The following FNBP1 variants were observed in gnomAD, a reference collection of about 807,000 sequenced individuals.
FNBP1 encodes formin-binding protein 1.
Under a neutral mutation model 90.6 loss-of-function variants are expected in FNBP1, and 26 were observed. The observed-to-expected ratio is 0.29, with a 90% confidence interval of 0.21 to 0.40. The LOEUF (loss-of-function observed/expected upper bound fraction) is 0.40. Among genes scored for constraint, FNBP1 ranks in the 10% least tolerant of loss-of-function variants. FNBP1 has a pLI of 1.00. For missense variants in FNBP1, 635 were observed against 768.0 expected, an observed-to-expected ratio of 0.83 and a Z score of 2.05; for synonymous variants, 260 against 265.2, an observed-to-expected ratio of 0.98 and a Z score of 0.19.
In FNBP1 at chr9:129,889,553, G is replaced by C. The variant is rs564795566; in HGVS notation, c.*986C>G. ...CCACTGCACTCCAGTCTGAACAATA[G>C]AGCGAGACTCCCGTCTCAAAAAAAA... is the stretch of plus-strand genomic sequence containing the variant. On this transcript the variant is annotated 3_prime_UTR_variant, in exon 17 of 17. Transcript: ENST00000446176. The C allele has an allele frequency of 6.9e-4, 135 of 196,650 alleles. No homozygotes were observed. Among genetic ancestry groups the C allele is most frequent in the African/African-American group, 3.1e-3 (130 of 41,352 alleles). 12.2% of individuals were successfully genotyped at this position (196,650 alleles called of 1,614,324 possible). A position where few individuals can be genotyped will look rare whatever the true frequency, so the allele number is the denominator to read the frequency against.
the FNBP1 span, among the ~76,000 whole-genome samples, chr9:130,052,101 GAAGT>G: frequency 6.6e-6 from 1 of 152,198 alleles, no homozygotes. Context: ...TAGAATTTAA[GAAGT>G]AACTGTAGAG....
chr9:129,921,763 A>G (rs2041150845), intron 10 of FNBP1, among the ~76,000 whole-genome samples: 1 of 152,170 alleles, frequency 6.6e-6, no homozygotes, highest in Non-Finnish European at 1.5e-5. Flanking sequence ...CAGGTTAACA[A>G]TGACTACTGT....
intron 8 of FNBP1, among the ~76,000 whole-genome samples, chr9:129,926,134 G>C (rs2041873963): frequency 6.6e-6 from 1 of 151,602 alleles, no homozygotes; most frequent in Non-Finnish European, 1.5e-5. Context: ...ACCACACCCA[G>C]CTAATTTTTG....
rs1190986204 is a variant in FNBP1 at position 129,899,896 on chromosome 9, T to C, written c.1687+69A>G. On this transcript the variant is annotated intron_variant, in intron 15 of 16. Coordinates refer to ENST00000446176, the MANE Select transcript of FNBP1 (RefSeq NM_015033.3). Reference sequence around the variant, plus strand: ...TCAGAAGGAAGGAAGGAAGGAAAAGTGAAAGAAGAGTAACTCAGATATTAT... The same window carrying C: ...TCAGAAGGAAGGAAGGAAGGAAAAGCGAAAGAAGAGTAACTCAGATATTAT... The C allele has an allele frequency of 2.2e-6, 3 of 1,334,616 alleles. No individual in the cohort carries two copies. The African/African-American group carries it at 4.6e-5, about 20-fold the overall frequency. The allele number at this position is 1,334,616 out of a possible 1,614,324, so 82.7% of individuals were successfully genotyped here.
intron 10 of FNBP1, 61 bp downstream of exon 10, chr9:129,923,783 T>G: frequency 6.8e-7 from 1 of 1,477,148 alleles, no homozygotes. Flanking sequence ...AAATTAGTTA[T>G]GCAGAACCAA....
chr9:130,052,651 C>A, the FNBP1 span, among the ~76,000 whole-genome samples: 1 of 151,846 alleles, frequency 6.6e-6, no homozygotes, highest in Non-Finnish European at 1.5e-5. Flanking sequence ...CCAGGCTGGT[C>A]CCGAACAACT....
chr9:129,977,046 T>C (rs1257705230), intron 4 of FNBP1, among the ~76,000 whole-genome samples: 1 of 151,768 alleles, frequency 6.6e-6, no homozygotes, highest in Admixed American at 6.6e-5. Flanking sequence ...CGGGCACCTG[T>C]AATCTCAGCT....
At chr9:129,968,847 G>A (rs1373783234) in intron 4 of FNBP1, among the ~76,000 whole-genome samples, 1 of 152,090 alleles carries the variant, frequency 6.6e-6, no homozygotes, top group African/African-American at 2.4e-5. Context: ...TTCTGCTTCT[G>A]GCCAACACTT....
chr9:129,913,785 A>T (rs1270396316), intron 11 of FNBP1, among the ~76,000 whole-genome samples: 1 of 152,040 alleles, frequency 6.6e-6, no homozygotes, highest in Non-Finnish European at 1.5e-5. Flanking sequence ...AAGAAAAAAA[A>T]ATCAAACCCT....
At position 130,022,350 on chromosome 9, in the gene FNBP1, A is replaced by G. The variant is rs992439503; in HGVS notation, c.24+20602T>C. Among the ~76,000 whole-genome samples the G allele has an allele frequency of 4.0e-5, 6 of 151,616 alleles. 1 individual carries two copies. The highest frequency in any genetic ancestry group is 7.4e-5 in the Non-Finnish European group (5 of 67,932). ...CTCCTGAGTAGCTGGGATTACAGGC[A>G]CGCGCCAAGATGCCCGGTTAATTTT... On this transcript the variant is annotated intron_variant, in intron 1 of 16. Transcript: ENST00000446176.
chr9:130,003,474 G>A (rs1041358871), intron 1 of FNBP1, among the ~76,000 whole-genome samples: 1 of 151,930 alleles, frequency 6.6e-6, no homozygotes, highest in Non-Finnish European at 1.5e-5. Context: ...AGGAGTGGAG[G>A]TACATACCTG....
At position 129,954,290 on chromosome 9, in the gene FNBP1, G is replaced by A. The variant is rs189283735; in HGVS notation, c.513+3070C>T. On this transcript the variant is annotated intron_variant, in intron 6 of 16. Transcript: ENST00000446176. ...AATCCGTAGTTTGTAACTGATTTAC[G>A]CAAAGAAGTATCATAAAACATTTAA... Among the ~76,000 whole-genome samples, 313 of 151,994 alleles carry A rather than the reference G, an allele frequency of 2.1e-3. 1 individual carries two copies. The highest frequency in any genetic ancestry group is 3.6e-3 in the Non-Finnish European group (247 of 67,956).
In FNBP1 at chr9:129,994,881, T is replaced by G; in HGVS notation, c.102A>C (p.Glu34Asp). 1 of 1,608,534 alleles carries G rather than the reference T, an allele frequency of 6.2e-7. No individual in the cohort carries two copies. Among genetic ancestry groups the G allele is most frequent in the African/African-American group, 1.3e-5 (1 of 74,942 alleles). The change falls in exon 2 of 17, where the codon GAA becomes GAC. Residue 34 changes from glutamate to aspartate, a missense_variant. Glu to Asp is a conservative substitution (Grantham distance 45). Coordinates refer to ENST00000446176, the MANE Select transcript of FNBP1 (RefSeq NM_015033.3). ...CATAGCTGAGTTCAATCTCTGTCCT[T>G]TCTTTCACAAACTTGATATATTTCT... is the stretch of plus-strand genomic sequence containing the variant. Reference protein sequence around the residue: ...ILEKYIKFVKERTEIELSYAK... With the variant: ...ILEKYIKFVKDRTEIELSYAK...
chr9:129,953,348 G>A lies in FNBP1; in HGVS notation c.513+4012C>T, dbSNP rs548064786. Among the ~76,000 whole-genome samples the A allele has an allele frequency of 2.0e-3, 310 of 152,094 alleles. 1 individual carries two copies. The highest frequency in any genetic ancestry group is 7.1e-3 in the African/African-American group (295 of 41,480). On this transcript the variant is annotated intron_variant, in intron 6 of 16. Transcript: ENST00000446176. ...TAAAAATACACACAAAAAATTATCC[G>A]GGCGTGGTGGTACACACCTGTAATC...
At chr9:129,994,619 C>A (rs2053704873) in intron 2 of FNBP1, among the ~76,000 whole-genome samples, 1 of 151,002 alleles carries the variant, frequency 6.6e-6, no homozygotes, top group African/African-American at 2.4e-5. Flanking sequence ...CAGCAAATAT[C>A]TTGTTGAAAA....
At chr9:130,034,015 C>T (rs1167860814) in intron 1 of FNBP1, among the ~76,000 whole-genome samples, 1 of 102,254 alleles carries the variant, frequency 9.8e-6, no homozygotes, top group Non-Finnish European at 2.0e-5. Flanking sequence ...GACTCTGTCT[C>T]AAAAAAAAAA....
upstream of FNBP1, chr9:130,043,306 C>CCTCCCCCGGG (rs1422686649): frequency 2.5e-5 from 5 of 203,562 alleles, no homozygotes; most frequent in African/African-American, 7.0e-5. Flanking sequence ...GGCCCGGCCC[C>CCTCCCCCGGG]CTCCCCCGGG....
chr9:129,993,345 G>A (rs996120838), intron 2 of FNBP1, among the ~76,000 whole-genome samples: 1 of 151,794 alleles, frequency 6.6e-6, no homozygotes, highest in African/African-American at 2.4e-5. Context: ...TATACAACAT[G>A]AAATCATTAA....
At chr9:130,007,638 T>C (rs2055953546) in intron 1 of FNBP1, among the ~76,000 whole-genome samples, 1 of 152,196 alleles carries the variant, frequency 6.6e-6, no homozygotes, top group African/African-American at 2.4e-5. Flanking sequence ...TCCTCTCTTG[T>C]TTCTACGGAT....
Sources: gnomAD v4.1 joint callset for allele counts (sites outside exome capture counted in the v4.1 genomes callset) on GRCh38, gnomAD v4.1.1 for gene constraint, MANE v1.5 for transcripts, NCBI Gene and HGNC (gene_info 2026-07-23, HGNC 2026-07-21) for gene names.